Variants in ASXL2 observed in about 807,000 individuals in gnomAD.
ASXL2 encodes the protein ASXL transcriptional regulator 2.
Under a neutral mutation model 122.0 loss-of-function variants are expected in ASXL2, and 23 were observed. The ratio of observed to expected loss-of-function variants is 0.19; its 90% CI spans 0.14 to 0.27. The LOEUF is 0.27. Among genes scored for constraint, ASXL2 ranks in the 10% least tolerant of loss-of-function variants. ASXL2 has a pLI of 1.00. For missense variants in ASXL2, 1,518 were observed against 1,713.8 expected (o/e 0.89, Z 2.02); for synonymous variants, 650 against 637.0 (o/e 1.02, Z -0.31).
chr2:25,762,602 T>C (rs1574402614), intron 8 of ASXL2, among the ~76,000 whole-genome samples: 1 of 139,432 alleles, frequency 7.2e-6, no homozygotes. Flanking sequence ...GAGGCAGAGG[T>C]TGCAGTGACC....
At chr2:25,846,141 G>A (rs989117629) in intron 1 of ASXL2, among the ~76,000 whole-genome samples, 2 of 152,254 alleles carry the variant, frequency 1.3e-5, no homozygotes, top group African/African-American at 2.4e-5. Context: ...AGTGCAGGCA[G>A]AAAGTGCTCC....
chr2:25,837,049 C>T (rs1007042362), intron 2 of ASXL2, among the ~76,000 whole-genome samples: 1 of 121,210 alleles, frequency 8.3e-6, no homozygotes, highest in Non-Finnish European at 1.6e-5. Flanking sequence ...GTTAATAAGA[C>T]GAGCAAAGCA....
At chr2:25,777,938 C>T (rs1255609508) in intron 5 of ASXL2, among the ~76,000 whole-genome samples, 1 of 151,988 alleles carries the variant, frequency 6.6e-6, no homozygotes, top group African/African-American at 2.4e-5. Flanking sequence ...TATTTATATA[C>T]AAAAATAAAT....
rs543539978 is a variant in ASXL2 at position 25,840,759 on chromosome 2, C to G, written c.140+4722G>C. ...ATGCATATACCTTATTTTGTTTATT[C>G]ATTAATCTGTTCATAAATATTTCAG... is the stretch of plus-strand genomic sequence containing the variant. On this transcript the variant is annotated intron_variant, in intron 2 of 12. Transcript: ENST00000435504. 2.0e-5 allele frequency among the ~76,000 whole-genome samples: 3 copies of G among 152,196 alleles called. No homozygotes were observed. The South Asian group carries it at 6.2e-4, about 32-fold the overall frequency.
chr2:25,854,135 T>C (rs1158955660), intron 1 of ASXL2, among the ~76,000 whole-genome samples: 1 of 152,292 alleles, frequency 6.6e-6, no homozygotes, highest in South Asian at 2.1e-4. Flanking sequence ...TGAACAGCTC[T>C]ATCAAGTCAC....
intron 1 of ASXL2, among the ~76,000 whole-genome samples, chr2:25,874,486 C>T (rs977386249): frequency 6.6e-5 from 10 of 152,160 alleles, no homozygotes; most frequent in African/African-American, 2.4e-4. Flanking sequence ...GAGACCCCGT[C>T]TCACACACAA....
intron 5 of ASXL2, among the ~76,000 whole-genome samples, chr2:25,783,948 G>C (rs954599481): frequency 6.6e-6 from 1 of 152,002 alleles, no homozygotes; most frequent in African/African-American, 2.4e-5. Context: ...CAGCTACTTG[G>C]GAGGCTGAGG....
At chr2:25,793,063 C>A (rs2088859934) in intron 5 of ASXL2, among the ~76,000 whole-genome samples, 1 of 151,610 alleles carries the variant, frequency 6.6e-6, no homozygotes, top group Non-Finnish European at 1.5e-5. Context: ...GACCAGCCTG[C>A]CCAACATGGA....
intron 3 of ASXL2, among the ~76,000 whole-genome samples, chr2:25,808,526 T>G (rs560680749): frequency 6.6e-6 from 1 of 152,210 alleles, no homozygotes; most frequent in African/African-American, 2.4e-5. Context: ...GAGATGGAGT[T>G]TCACCATGTT....
At chr2:25,870,250 C>T (rs1310594622) in intron 1 of ASXL2, among the ~76,000 whole-genome samples, 4 of 152,010 alleles carry the variant, frequency 2.6e-5, no homozygotes, top group Non-Finnish European at 4.4e-5. Flanking sequence ...TGGTGGCCGG[C>T]GCAGTGGCTC....
At chr2:25,754,813 T>A (rs748469985) in intron 10 of ASXL2, among the ~76,000 whole-genome samples, 5 of 151,986 alleles carry the variant, frequency 3.3e-5, no homozygotes, top group African/African-American at 1.2e-4. Flanking sequence ...AGAACTGGTA[T>A]GTTTTAATCT....
At position 25,735,787 on chromosome 2, in the gene ASXL2, A is replaced by C. The variant is rs1414613628; in HGVS notation, c.*6242T>G. 5 of 152,232 alleles carry C rather than the reference A, an allele frequency of 3.3e-5. No homozygotes were observed. The highest frequency in any genetic ancestry group is 7.3e-5 in the Non-Finnish European group (5 of 68,032). 9.4% of individuals were successfully genotyped at this position (152,232 alleles called of 1,614,324 possible). A position where few individuals can be genotyped will look rare whatever the true frequency, so the allele number is the denominator to read the frequency against. Reference sequence around the variant, plus strand: ...TTAGCTATTCCAACAATAGTTCTCAAAAAAGGTGCATTTTATTAATATGGC... The same window carrying C: ...TTAGCTATTCCAACAATAGTTCTCACAAAAGGTGCATTTTATTAATATGGC... On this transcript the variant is annotated 3_prime_UTR_variant, in exon 13 of 13. Transcript: ENST00000435504.
At chr2:25,747,717 A>C (rs529165897) in intron 12 of ASXL2, among the ~76,000 whole-genome samples, 1 of 151,572 alleles carries the variant, frequency 6.6e-6, no homozygotes, top group East Asian at 1.9e-4. Flanking sequence ...ATAAGCTGTG[A>C]ATGACATTGA....
rs2088200178 is a variant in ASXL2, at chr2:25,759,463, A to C, written c.939+19T>G. 6.2e-7 allele frequency: 1 copy of C among 1,609,996 alleles called. No homozygotes were observed. The highest frequency in any genetic ancestry group is 1.1e-5 in the South Asian group (1 of 90,726). On this transcript the variant is annotated intron_variant, in intron 9 of 12. Coordinates refer to ENST00000435504, the MANE Select transcript of ASXL2 (RefSeq NM_018263.6). ...CATAAACAGCTATTTTTAAAATCTT[A>C]AGGAGTTCAATGACGCACCTGTCGA... is the stretch of plus-strand genomic sequence containing the variant.
At chr2:25,750,951 T>C (rs964032934) in intron 11 of ASXL2, among the ~76,000 whole-genome samples, 1 of 152,198 alleles carries the variant, frequency 6.6e-6, no homozygotes, top group Non-Finnish European at 1.5e-5. Context: ...CAGCTGGCTG[T>C]CAATGTTCTA....
chr2:25,820,412 A>G (rs944520534), intron 3 of ASXL2, among the ~76,000 whole-genome samples: 15 of 152,252 alleles, frequency 9.9e-5, no homozygotes, highest in Non-Finnish European at 2.1e-4. Context: ...ATGATTTTTA[A>G]AAAAGTAAGT....
intron 1 of ASXL2, among the ~76,000 whole-genome samples, chr2:25,871,792 C>T (rs1290352196): frequency 6.6e-6 from 1 of 152,140 alleles, no homozygotes; most frequent in Admixed American, 6.6e-5. Context: ...TGCAGGAGAA[C>T]TTTAAATAAT....
chr2:25,843,829 A>AAAAG (rs960270294), intron 2 of ASXL2, among the ~76,000 whole-genome samples: 52 of 151,256 alleles, frequency 3.4e-4, no homozygotes, highest in East Asian at 9.7e-4. Flanking sequence ...AAAAAAAAAA[A>AAAAG]AAAGAAAGAA....
intron 5 of ASXL2, 59 bp from the exon 6 acceptor site, chr2:25,771,599 C>T: frequency 7.3e-7 from 1 of 1,362,358 alleles, no homozygotes; most frequent in Non-Finnish European, 1.0e-6. Context: ...AAGCACCATT[C>T]CTTCCCCAAT....
Sources: gnomAD v4.1 joint callset for allele counts (sites outside exome capture counted in the v4.1 genomes callset) on GRCh38, gnomAD v4.1.1 for gene constraint, MANE v1.5 for transcripts, NCBI Gene and HGNC (gene_info 2026-07-23, HGNC 2026-07-21) for gene names.